The following UBASH3B variants were observed in gnomAD, a reference collection of about 807,000 sequenced individuals.
UBASH3B encodes ubiquitin-associated and SH3 domain-containing protein B.
A neutral mutation model predicts 83.4 loss-of-function variants in UBASH3B; 37 were observed. The observed-to-expected ratio is 0.44, with a 90% CI of 0.34 to 0.58. UBASH3B has a LOEUF of 0.58. UBASH3B is among the 20% of genes least tolerant of loss of function. The probability of loss-of-function intolerance (pLI) is 0.01; values close to 1 mark genes in which losing one functional copy is unlikely to be tolerated. For missense variants in UBASH3B, 657 were observed against 827.2 expected, an observed-to-expected ratio of 0.79 and a Z score of 2.52; for synonymous variants, 304 against 318.3, an observed-to-expected ratio of 0.96 and a Z score of 0.48.
intron 1 of UBASH3B, among the ~76,000 whole-genome samples, chr11:122,701,657 G>A (rs1463146278): frequency 1.3e-5 from 2 of 152,088 alleles, no homozygotes; most frequent in South Asian, 2.1e-4. Context: ...GCTGCTTGAA[G>A]GAACTAAGAG....
At chr11:122,699,331 A>T (rs112615895) in intron 1 of UBASH3B, among the ~76,000 whole-genome samples, 4,316 of 152,242 alleles carry the variant, frequency 0.028, 197 homozygotes, top group African/African-American at 0.099. Flanking sequence ...GGAGTGTGGC[A>T]CGTGGAGTCA....
chr11:122,733,489 C>T (rs1860879285), intron 1 of UBASH3B, among the ~76,000 whole-genome samples: 1 of 152,206 alleles, frequency 6.6e-6, no homozygotes, highest in African/African-American at 2.4e-5. Flanking sequence ...GTGCCTCGCG[C>T]CAAAGCATGG....
intron 6 of UBASH3B, among the ~76,000 whole-genome samples, chr11:122,790,548 A>G (rs79576095): frequency 0.032 from 4,845 of 152,314 alleles, 131 homozygotes; most frequent in Admixed American, 0.069. Flanking sequence ...GCGTGAATAA[A>G]CTGAGAACTA....
At chr11:122,716,958 C>T (rs2135940732) in intron 1 of UBASH3B, among the ~76,000 whole-genome samples, 1 of 152,270 alleles carries the variant, frequency 6.6e-6, no homozygotes, top group African/African-American at 2.4e-5. Flanking sequence ...CTCCCCTTCT[C>T]CCGTCCTGTC....
At chr11:122,744,431 G>T (rs1034143593) in intron 1 of UBASH3B, among the ~76,000 whole-genome samples, 4 of 152,058 alleles carry the variant, frequency 2.6e-5, no homozygotes. Flanking sequence ...CATGTGTATC[G>T]GTGTGTGGCT....
In UBASH3B at chr11:122,806,235, A is replaced by G. The variant is rs1463271386; in HGVS notation, c.1596-175A>G. On this transcript the variant is annotated intron_variant, in intron 11 of 13. Transcript: ENST00000284273. The surrounding 1 kb of genome is among the most constrained non-coding windows in gnomAD (Gnocchi z 4.0). The stretch of plus-strand genomic sequence containing the variant: ...TGTTATTTCTGTACATTTCCACTCC[A>G]TGTTCATATAGTAGAAATGCTGTTC... Among the ~76,000 whole-genome samples the G allele has an allele frequency of 6.6e-6, 1 of 152,172 alleles. No individual in the cohort carries two copies. Among genetic ancestry groups the G allele is most frequent in the Non-Finnish European group, 1.5e-5 (1 of 68,030 alleles).
chr11:122,747,673 G>A (rs1462219503), intron 1 of UBASH3B, among the ~76,000 whole-genome samples: 1 of 152,224 alleles, frequency 6.6e-6, no homozygotes, highest in East Asian at 1.9e-4. Flanking sequence ...TCAAAGCTGG[G>A]GAACGTCTTT....
chr11:122,783,342 G>C (rs983899172), intron 5 of UBASH3B, 120 bp downstream of exon 5: 2 of 1,212,948 alleles, frequency 1.6e-6, no homozygotes, highest in Non-Finnish European at 2.3e-6. Context: ...ACCTAACAGA[G>C]AGTCCGTTGG....
chr11:122,743,362 G>A (rs1025958407), intron 1 of UBASH3B, among the ~76,000 whole-genome samples: 1 of 152,132 alleles, frequency 6.6e-6, no homozygotes, highest in Non-Finnish European at 1.5e-5. Flanking sequence ...CTACAGGCAT[G>A]CACTACCATG....
chr11:122,786,454 C>T (rs1256051949), intron 5 of UBASH3B, among the ~76,000 whole-genome samples: 2 of 152,014 alleles, frequency 1.3e-5, no homozygotes, highest in African/African-American at 2.4e-5. Flanking sequence ...GTGAGGAGTT[C>T]GAAACCAGCC....
chr11:122,772,696 C>T (rs78725242), intron 1 of UBASH3B, among the ~76,000 whole-genome samples: 1,923 of 152,286 alleles, frequency 0.013, 69 homozygotes, highest in Admixed American at 0.074. Flanking sequence ...AGAATCCCGC[C>T]GGAGCACTGC....
rs1265803205 is a variant in UBASH3B, at chr11:122,796,176, G to A, written c.1134G>A (p.Gln378=). ...TGCAGCCGCTGAGGGTCAACAGCCA[G>A]CCCGGCCCCCAGAAGCGATGCCTTT... ...QPMQPLRVNS[Q]PGPQKRCLFV... The change falls in exon 8 of 14, where the codon CAG becomes CAA. Residue 378 remains glutamine (Q), a synonymous_variant. Coordinates refer to ENST00000284273, the MANE Select transcript of UBASH3B (RefSeq NM_032873.5). 6.2e-7 allele frequency: 1 copy of A among 1,613,968 alleles called. No individual in the cohort carries two copies. Among genetic ancestry groups the A allele is most frequent in the African/African-American group, 1.3e-5 (1 of 74,908 alleles).
rs58490731 is a variant in UBASH3B, at chr11:122,683,608, A to ATAAT, written c.161+27398_161+27399insTAAT. Among the ~76,000 whole-genome samples the ATAAT allele has an allele frequency of 4.7e-4, 70 of 147,996 alleles. 1 individual carries two copies. The highest frequency in any genetic ancestry group is 2.7e-3 in the East Asian group (14 of 5,108). ...GGACAGAGCGAGACTCCTTCTCAAAAAAAAAAAAAAATAATAATAATAAAA... is the reference window on the plus strand; with the variant it reads ...GGACAGAGCGAGACTCCTTCTCAAAATAATAAAAAAAAAAATAATAATAATAAAA... On this transcript the variant is annotated intron_variant, in intron 1 of 13. Coordinates refer to ENST00000284273, the MANE Select transcript of UBASH3B (RefSeq NM_032873.5).
rs751281696 is a variant in UBASH3B, at chr11:122,687,313, G to C, written c.161+31103G>C. ...CAGTGTGTAATACATATAAGGTCAC[G>C]GTATTTCCAAGTATGAAATAGCTGG... On this transcript the variant is annotated intron_variant, in intron 1 of 13. Coordinates refer to ENST00000284273, the MANE Select transcript of UBASH3B (RefSeq NM_032873.5). Among the ~76,000 whole-genome samples the C allele has an allele frequency of 2.0e-5, 3 of 152,256 alleles. No individual in the cohort carries two copies. The East Asian group carries it at 5.8e-4, about 29-fold the overall frequency.
chr11:122,688,448 G>GTT (rs146559473), intron 1 of UBASH3B, among the ~76,000 whole-genome samples: 3,254 of 121,438 alleles, frequency 0.027, 188 homozygotes, highest in East Asian at 0.1. Context: ...TTTGTGGTTT[G>GTT]TTTGTTTTTT....
intron 12 of UBASH3B, 29 bp from the exon 13 acceptor site, chr11:122,808,038 T>C (rs756123429): frequency 3.2e-6 from 5 of 1,557,236 alleles, no homozygotes; most frequent in Non-Finnish European, 4.4e-6. Context: ...ATAGAAACAG[T>C]CTTCCCATAC....
chr11:122,671,128 C>T (rs900973227), intron 1 of UBASH3B, among the ~76,000 whole-genome samples: 1 of 152,134 alleles, frequency 6.6e-6, no homozygotes. Context: ...AACAGAGATG[C>T]GGGGAGCTGG....
intron 1 of UBASH3B, among the ~76,000 whole-genome samples, chr11:122,728,483 T>C (rs1860783947): frequency 6.6e-6 from 1 of 152,216 alleles, no homozygotes; most frequent in Non-Finnish European, 1.5e-5. Flanking sequence ...CCAATTTCTT[T>C]ATCTTAGGTC....
chr11:122,689,055 C>T (rs1863851842), intron 1 of UBASH3B, among the ~76,000 whole-genome samples: 1 of 151,974 alleles, frequency 6.6e-6, no homozygotes, highest in Non-Finnish European at 1.5e-5. Context: ...TTGCCTCGCC[C>T]TCTCAAAGTG....
Sources: allele counts gnomAD v4.1 joint callset (sites outside exome capture counted in the v4.1 genomes callset), GRCh38; gene constraint gnomAD v4.1.1; non-coding constraint Gnocchi (gnomAD v3.1); transcripts MANE v1.5; gene names NCBI Gene and HGNC (gene_info 2026-07-23, HGNC 2026-07-21).